The following GABRA3 variants were observed in gnomAD, a reference collection of about 807,000 sequenced individuals.
The protein encoded by GABRA3 is gamma-aminobutyric acid type A receptor subunit alpha3, also known as gamma-aminobutyric acid receptor subunit alpha-3.
Under a neutral mutation model 30.1 loss-of-function variants are expected in GABRA3, and 10 were observed. That is an observed-to-expected ratio of 0.33 (90% CI 0.20 to 0.56). The LOEUF is 0.56. GABRA3 is among the 20% of genes least tolerant of loss of function. The pLI is 0.89. For synonymous variants in GABRA3, 151 were observed against 146.8 expected, an observed-to-expected ratio of 1.03 and a Z score of -0.21; for missense variants, 233 against 392.0, an observed-to-expected ratio of 0.59 and a Z score of 3.42.
intron 5 of GABRA3, among the ~76,000 whole-genome samples, chrX:152,239,294 T>G (rs1938302456): frequency 9.3e-6 from 1 of 107,439 alleles, no homozygotes; most frequent in Non-Finnish European, 1.9e-5. Context: ...TTCCATGTAG[T>G]TGAGAGGCTT....
At chrX:152,189,637 T>TG (rs1937297631) in intron 9 of GABRA3, 93 bp downstream of exon 9, 2 of 617,727 alleles carry the variant, frequency 3.2e-6, no homozygotes, top group African/African-American at 2.3e-5. Context: ...CACATAGCCC[T>TG]GCCCAGTTCT....
At chrX:152,287,599 C>G (rs1432438454) in intron 3 of GABRA3, among the ~76,000 whole-genome samples, 3 of 110,829 alleles carry the variant, frequency 2.7e-5, no homozygotes, top group Non-Finnish European at 5.7e-5. Context: ...TATAAATTAC[C>G]CAGTCTCGGA....
At chrX:152,386,539 T>G (rs1285968082) in intron 1 of GABRA3, among the ~76,000 whole-genome samples, 1 of 109,174 alleles carries the variant, frequency 9.2e-6, no homozygotes, top group African/African-American at 3.4e-5. Flanking sequence ...AAAAAACACA[T>G]GAAAAAATGC....
At chrX:152,378,590 C>A (rs1280608786) in intron 1 of GABRA3, among the ~76,000 whole-genome samples, 1 of 110,316 alleles carries the variant, frequency 9.1e-6, no homozygotes, top group Non-Finnish European at 1.9e-5. Context: ...AACACACACA[C>A]AAAAGGAAAA....
intron 1 of GABRA3, among the ~76,000 whole-genome samples, chrX:152,375,840 T>C (rs2124503903): frequency 8.9e-6 from 1 of 112,308 alleles, no homozygotes; most frequent in Admixed American, 9.4e-5. Flanking sequence ...TCAAGTTGCC[T>C]ATTTAGGGAA....
intron 9 of GABRA3, among the ~76,000 whole-genome samples, chrX:152,171,752 G>A (rs1392964914): frequency 1.8e-5 from 2 of 111,708 alleles, no homozygotes; most frequent in Non-Finnish European, 3.8e-5. Flanking sequence ...GTTCAGCCTA[G>A]GGCAATTTCC....
At chrX:152,220,117 G>A (rs752919241) in intron 6 of GABRA3, among the ~76,000 whole-genome samples, 7 of 111,346 alleles carry the variant, frequency 6.3e-5, no homozygotes, top group East Asian at 2.8e-4. Flanking sequence ...GATAAAGAGC[G>A]TTAAGAAGTT....
At position 152,182,800 on chromosome X, in the gene GABRA3, T is replaced by TACACTATATAGTGTATATATA. The variant is rs1937201138; in HGVS notation, c.1143+6929_1143+6930insTATATATACACTATATAGTGT. On this transcript the variant is annotated intron_variant, in intron 9 of 9. Coordinates refer to ENST00000370314, the MANE Select transcript of GABRA3 (RefSeq NM_000808.4). Reference sequence around the variant, plus strand: ...ATATACAGTATATATATACTATATATGTATATATTTACACCATATATATAC... The same window carrying TACACTATATAGTGTATATATA: ...ATATACAGTATATATATACTATATATACACTATATAGTGTATATATAGTATATATTTACACCATATATATAC... Among the ~76,000 whole-genome samples the TACACTATATAGTGTATATATA allele has an allele frequency of 1.2e-4, 10 of 85,210 alleles. No individual in the cohort carries two copies. In the East Asian group the frequency reaches 3.7e-3, roughly 32 times the overall value. The allele number at this position is 85,210 out of a possible 115,157, so 74.0% of individuals were successfully genotyped here. A position where few individuals can be genotyped will look rare whatever the true frequency, so the allele number is the denominator to read the frequency against.
chrX:152,182,794 T>A (rs1158398440), intron 9 of GABRA3, among the ~76,000 whole-genome samples: 2 of 82,705 alleles, frequency 2.4e-5, no homozygotes, highest in Non-Finnish European at 4.6e-5. Context: ...ATATATATAC[T>A]ATATATGTAT....
chrX:152,326,369 C>T (rs1394141319), intron 3 of GABRA3, among the ~76,000 whole-genome samples: 1 of 111,029 alleles, frequency 9.0e-6, no homozygotes, highest in Non-Finnish European at 1.9e-5. Context: ...CAAAGATACT[C>T]CTTGAGAAGA....
rs781397832 is a variant in GABRA3, at chrX:152,443,551, T to A, written c.-27+7595A>T. The stretch of plus-strand genomic sequence containing the variant: ...ACCTTATTGTAGGTTCTAGCGGATA[T>A]AAGAGTGAACAAAATGGAGAAAAAA... On this transcript the variant is annotated intron_variant, in intron 1 of 9. Coordinates refer to ENST00000370314, the MANE Select transcript of GABRA3 (RefSeq NM_000808.4). 3.6e-5 allele frequency among the ~76,000 whole-genome samples: 4 copies of A among 111,683 alleles called. No individual in the cohort carries two copies. In the East Asian group the frequency reaches 1.1e-3, roughly 31 times the overall value.
At chrX:152,395,481 G>A (rs142256188) in intron 1 of GABRA3, among the ~76,000 whole-genome samples, 1,530 of 111,282 alleles carry the variant, frequency 0.014, 34 homozygotes, top group African/African-American at 0.047. Flanking sequence ...TCCTTCAGGA[G>A]TGGTATCCAT....
chrX:152,347,678 T>C (rs184803838), intron 2 of GABRA3, among the ~76,000 whole-genome samples: 21 of 112,076 alleles, frequency 1.9e-4, no homozygotes, highest in African/African-American at 6.8e-4. Flanking sequence ...ACACTGTGCT[T>C]GCTTTCTTAC....
At chrX:152,183,440 C>A (rs1937212614) in intron 9 of GABRA3, among the ~76,000 whole-genome samples, 1 of 108,033 alleles carries the variant, frequency 9.3e-6, no homozygotes, top group Non-Finnish European at 1.9e-5. Flanking sequence ...GTATTTGAGT[C>A]TTCTCTCCTT....
intron 2 of GABRA3, among the ~76,000 whole-genome samples, chrX:152,361,230 T>C (rs1207004004): frequency 9.1e-6 from 1 of 110,140 alleles, no homozygotes; most frequent in Non-Finnish European, 1.9e-5. Context: ...TACTAAAAAC[T>C]AGGCTATCTG....
At chrX:152,299,999 C>T (rs1024464180) in intron 3 of GABRA3, among the ~76,000 whole-genome samples, 2 of 111,936 alleles carry the variant, frequency 1.8e-5, no homozygotes, top group African/African-American at 6.5e-5. Context: ...GGGGGAATAC[C>T]AGAGTGGAGA....
At chrX:152,226,680 T>G (rs1937962138) in intron 5 of GABRA3, among the ~76,000 whole-genome samples, 1 of 110,641 alleles carries the variant, frequency 9.0e-6, no homozygotes, top group Non-Finnish European at 1.9e-5. Flanking sequence ...TCAAACAAAT[T>G]TACAAGAAAA....
intron 3 of GABRA3, among the ~76,000 whole-genome samples, chrX:152,339,607 C>T: frequency 9.0e-6 from 1 of 111,658 alleles, no homozygotes; most frequent in East Asian, 2.8e-4. Flanking sequence ...GTGTATTTTG[C>T]TGTTGTTGAT....
At chrX:152,182,519 T>TAC (rs1569348276) in intron 9 of GABRA3, among the ~76,000 whole-genome samples, 1 of 83,829 alleles carries the variant, frequency 1.2e-5, no homozygotes, top group East Asian at 3.8e-4. Flanking sequence ...CTATATAGTA[T>TAC]ACACACTATA....
Sources: allele counts gnomAD v4.1 joint callset (sites outside exome capture counted in the v4.1 genomes callset), GRCh38; gene constraint gnomAD v4.1.1; transcripts MANE v1.5; gene names NCBI Gene and HGNC (gene_info 2026-07-23, HGNC 2026-07-21).